ZNF408: variants seen among roughly 807,000 people sequenced by gnomAD.
ZNF408 encodes zinc finger protein 408, also known as PR domain zinc finger protein 17.
ZNF408 carries 24 observed loss-of-function variants against 27.6 expected under a neutral mutation model. The ratio of observed to expected loss-of-function variants is 0.87; its 90% CI spans 0.63 to 1.22. ZNF408 has a LOEUF of 1.22. ZNF408 is among the 50% of genes most tolerant of loss of function. The pLI, the probability that ZNF408 is intolerant of heterozygous loss-of-function variation, is 0.00. For synonymous variants in ZNF408, 410 were observed against 396.1 expected, an observed-to-expected ratio of 1.04 and a Z score of -0.42; for missense variants, 897 against 949.0, an observed-to-expected ratio of 0.95 and a Z score of 0.72.
chr11:46,705,624 TCTG>T lies in ZNF408; in HGVS notation c.1930_1932del (p.Ala644del), dbSNP rs1250805016. 1 of 1,612,758 alleles carries T rather than the reference TCTG, an allele frequency of 6.2e-7. No homozygotes were observed. Among genetic ancestry groups the T allele is most frequent in the South Asian group, 1.1e-5 (1 of 91,080 alleles). On this transcript the variant is annotated inframe_deletion, in exon 5 of 5. Coordinates refer to ENST00000311764, the MANE Select transcript of ZNF408 (RefSeq NM_024741.3). The surrounding 1 kb of genome is among the most constrained non-coding windows in gnomAD (Gnocchi z 6.5). ...ACCCTGCAGCCCACCCTCTGTGCCT[TCTG>T]CTGCTTCTGAGCCCACTGTGGTGCT... is the stretch of plus-strand genomic sequence containing the variant.
intron 2 of ZNF408, 155 bp downstream of exon 2, chr11:46,701,831 G>T: frequency 1.0e-6 from 1 of 979,508 alleles, no homozygotes; most frequent in Non-Finnish European, 1.4e-6. Context: ...CTCAGCAGCA[G>T]TAGTTAAAGA....
chr11:46,701,313 A>G, intron 1 of ZNF408, 86 bp from the exon 2 acceptor site: 1 of 1,574,918 alleles, frequency 6.3e-7, no homozygotes, highest in South Asian at 1.1e-5. Context: ...CCGCAGGCCC[A>G]CCTGGACCTG....
At position 46,703,191 on chromosome 11, in the gene ZNF408, T is replaced by C; in HGVS notation, c.600T>C (p.Ala200=). The change falls in exon 4 of 5, where the codon GCT becomes GCC. Residue 200 remains alanine, a synonymous_variant. Coordinates refer to ENST00000311764, the MANE Select transcript of ZNF408 (RefSeq NM_024741.3). ...CAGTGGTGACAGAAGTGGAGTCTGC[T>C]GTACAGCAGGAAGTGGCCTCCCCTG... ...AVAVVTEVES[A]VQQEVASPGE... The C allele has an allele frequency of 6.2e-7, 1 of 1,613,422 alleles. No homozygotes were observed. The highest frequency in any genetic ancestry group is 8.5e-7 in the Non-Finnish European group (1 of 1,179,894).
rs201672624 is a variant in ZNF408 at position 46,705,370 on chromosome 11, G to A, written c.1670G>A (p.Gly557Asp). Residue 557 changes from glycine (G) to aspartate (D), a missense_variant, in exon 5 of 5, where the codon GGC becomes GAC. Transcript: ENST00000311764. This position sits in a 1 kb window ranked among gnomAD's most constrained non-coding sequence, Gnocchi z 6.5. The part of the protein sequence containing the change: ...TGEAHLCPVC[G>D]KALRDPHTLR... The stretch of plus-strand genomic sequence containing the variant: ...GAGGCCCACTTGTGCCCGGTGTGTG[G>A]CAAGGCCCTCCGAGACCCACACACG... 3 of 1,599,384 alleles carry A rather than the reference G, an allele frequency of 1.9e-6. No individual in the cohort carries two copies. Among genetic ancestry groups the A allele is most frequent in the Non-Finnish European group, 2.6e-6 (3 of 1,175,438 alleles).
chr11:46,701,449 G>T lies in ZNF408; in HGVS notation c.103G>T (p.Gly35Cys). Residue 35 changes from glycine (G) to cysteine (C), a missense_variant, in exon 2 of 5, where the codon GGC (glycine) becomes TGC (cysteine). Gly to Cys is a radical substitution (Grantham distance 159). Coordinates refer to ENST00000311764, the MANE Select transcript of ZNF408 (RefSeq NM_024741.3). Reference sequence around the variant, plus strand: ...CTTAGGATGGAACCCTTCCGGAGAAGGCTGTACGCAGGGCCTCAAAGACGT... The same window carrying T: ...CTTAGGATGGAACCCTTCCGGAGAATGCTGTACGCAGGGCCTCAAAGACGT... The part of the protein sequence containing the change: ...LDLGWNPSGE[G>C]CTQGLKDVPP... 6.2e-7 allele frequency: 1 copy of T among 1,614,038 alleles called. No homozygotes were observed. Among genetic ancestry groups the T allele is most frequent in the South Asian group, 1.1e-5 (1 of 91,086 alleles).
Position 46,701,109 on chromosome 11 carries a change from C to G in ZNF408, c.52+10C>G. ...AAGGCGCTGCAACTCGGTGAGTGAC[C>G]TGCGATGTCCGCGACCCTCAACCTT... On this transcript the variant is annotated intron_variant, in intron 1 of 4. Coordinates refer to ENST00000311764, the MANE Select transcript of ZNF408 (RefSeq NM_024741.3). The G allele has an allele frequency of 1.2e-6, 2 of 1,614,086 alleles. No homozygotes were observed. The highest frequency in any genetic ancestry group is 1.7e-6 in the Non-Finnish European group (2 of 1,179,994).
At chr11:46,702,674 T>C in intron 2 of ZNF408, 30 bp from the exon 3 acceptor site, 1 of 1,610,896 alleles carries the variant, frequency 6.2e-7, no homozygotes, top group African/African-American at 1.3e-5. Flanking sequence ...TCGAACACAT[T>C]TGAGAAGGAC....
In ZNF408 at chr11:46,705,736, C is replaced by T; in HGVS notation, c.2036C>T (p.Ser679Leu). The T allele has an allele frequency of 6.2e-7, 1 of 1,612,154 alleles. No individual in the cohort carries two copies. Among genetic ancestry groups the T allele is most frequent in the Non-Finnish European group, 8.5e-7 (1 of 1,179,244 alleles). ...PARDVVEVTI[S>L]ESQEKCFVVP... ...AGGGATGTTGTTGAGGTCACCATTT[C>T]AGAAAGCCAGGAGAAGTGCTTTGTG... The change falls in exon 5 of 5, where the codon TCA (serine) becomes TTA (leucine). Residue 679 changes from serine to leucine, a missense_variant. Transcript: ENST00000311764. The surrounding 1 kb of genome is among the most constrained non-coding windows in gnomAD (Gnocchi z 6.5).
rs762952484 is a variant in ZNF408, at chr11:46,702,685, T to C, written c.331-19T>C. On this transcript the variant is annotated intron_variant, in intron 2 of 4. Transcript: ENST00000311764. ...CCCCTCGAACACATTTGAGAAGGAC[T>C]TTTGTTGGTTTATTTCAGAACCTGT... 9 of 1,612,628 alleles carry C rather than the reference T, an allele frequency of 5.6e-6. No homozygotes were observed. The African/African-American group carries it at 1.2e-4, about 22-fold the overall frequency.
chr11:46,703,968 G>A (rs569094674), intron 4 of ZNF408, among the ~76,000 whole-genome samples: 1 of 151,990 alleles, frequency 6.6e-6, no homozygotes, highest in South Asian at 2.1e-4. Flanking sequence ...CTGGCCTCAA[G>A]TGATCTGCCT....
chr11:46,704,280 G>C, intron 4 of ZNF408, 73 bp from the exon 5 acceptor site: 2 of 1,482,194 alleles, frequency 1.3e-6, no homozygotes, highest in East Asian at 2.3e-5. Context: ...GAAAACATCT[G>C]ATCCTGTAAT....
intron 3 of ZNF408, 73 bp from the exon 4 acceptor site, chr11:46,702,911 G>A (rs2064720561): frequency 6.2e-7 from 1 of 1,600,584 alleles, no homozygotes; most frequent in Non-Finnish European, 8.5e-7. Flanking sequence ...CAGACTGCTT[G>A]GGGACTGGGG....
chr11:46,702,945 A>G, intron 3 of ZNF408, 39 bp from the exon 4 acceptor site: 1 of 1,610,400 alleles, frequency 6.2e-7, no homozygotes, highest in Non-Finnish European at 8.5e-7. Flanking sequence ...CCACTTGAAT[A>G]GTGAGCATCT....
chr11:46,701,356 C>T (rs764105727), intron 1 of ZNF408, 43 bp from the exon 2 acceptor site: 1 of 1,600,560 alleles, frequency 6.2e-7, no homozygotes, highest in East Asian at 2.2e-5. Context: ...CCACCTCCCA[C>T]CTTCTTGGGT....
rs377281336 is a variant in ZNF408, at chr11:46,704,486, T to C, written c.786T>C (p.Asp262=). 13 of 1,614,026 alleles carry C rather than the reference T, an allele frequency of 8.1e-6. No individual in the cohort carries two copies. Among genetic ancestry groups the C allele is most frequent in the Non-Finnish European group, 1.1e-5 (13 of 1,180,014 alleles). ...LGPLLQDGDV[D]EECPAQAQMP... ...CATTGCTTCAGGATGGCGACGTGGA[T>C]GAGGAATGCCCGGCCCAGGCACAGA... Residue 262 remains aspartate (D), a synonymous_variant, in exon 5 of 5, where the codon GAT becomes GAC. Coordinates refer to ENST00000311764, the MANE Select transcript of ZNF408 (RefSeq NM_024741.3).
At chr11:46,701,791 T>G (rs2134505805) in intron 2 of ZNF408, 115 bp downstream of exon 2, 2 of 1,293,178 alleles carry the variant, frequency 1.5e-6, no homozygotes, top group Non-Finnish European at 2.1e-6. Flanking sequence ...TAGGAGATAG[T>G]CTTGTCCCTT....
In ZNF408 at chr11:46,705,449, G is replaced by T; in HGVS notation, c.1749G>T (p.Gln583His). The change falls in exon 5 of 5, where the codon CAG (glutamine) becomes CAT (histidine). Residue 583 changes from glutamine to histidine, a missense_variant. Coordinates refer to ENST00000311764, the MANE Select transcript of ZNF408 (RefSeq NM_024741.3). This position sits in a 1 kb window ranked among gnomAD's most constrained non-coding sequence, Gnocchi z 6.5. ...GAGAGAGGCCCTTTCCCTGTCCCCA[G>T]TGTGGCCGTGCTTACACGCTGGCCA... The part of the protein sequence containing the change: ...HSGERPFPCP[Q>H]CGRAYTLATK... 3 of 1,607,572 alleles carry T rather than the reference G, an allele frequency of 1.9e-6. No homozygotes were observed. The highest frequency in any genetic ancestry group is 1.7e-5 in the Admixed American group (1 of 59,972).
At chr11:46,702,858 C>A in intron 3 of ZNF408, 93 bp downstream of exon 3, 1 of 1,594,220 alleles carries the variant, frequency 6.3e-7, no homozygotes, top group Non-Finnish European at 8.6e-7. Flanking sequence ...ATTCAGTGCT[C>A]TTTTGCAGTG....
In ZNF408 at chr11:46,701,404, G is replaced by A. The variant is rs1419505384; in HGVS notation, c.58G>A (p.Glu20Lys). 1.2e-6 allele frequency: 2 copies of A among 1,612,636 alleles called. No homozygotes were observed. ...GTCTTCCCTTCTCTCTGCAGCCCGC[G>A]AGCCGCGCCTGGGCCTGGACTTAGG... ...EGKKALQLAR[E>K]PRLGLDLGWN... The change falls in exon 2 of 5, where the codon GAG becomes AAG. Residue 20 changes from glutamate (E) to lysine (K), a missense_variant. Physicochemically the swap from Glu to Lys is moderately conservative, Grantham distance 56. Coordinates refer to ENST00000311764, the MANE Select transcript of ZNF408 (RefSeq NM_024741.3).
Sources: allele counts gnomAD v4.1 joint callset (sites outside exome capture counted in the v4.1 genomes callset), GRCh38; gene constraint gnomAD v4.1.1; non-coding constraint Gnocchi (gnomAD v3.1); transcripts MANE v1.5; gene names NCBI Gene and HGNC (gene_info 2026-07-23, HGNC 2026-07-21).